Variants in PRELID2 observed in about 807,000 individuals in gnomAD.
PRELID2 encodes the protein PRELI domain containing 2, also known as PRELI domain-containing protein 2.
Under a neutral mutation model 28.4 loss-of-function variants are expected in PRELID2, and 25 were observed. The ratio of observed to expected loss-of-function variants is 0.88; its 90% CI spans 0.64 to 1.23. The LOEUF is 1.23. Among genes scored for constraint, PRELID2 ranks in the 50% most tolerant of loss-of-function variants. The pLI, the probability that PRELID2 is intolerant of heterozygous loss-of-function variation, is 0.00. For missense variants in PRELID2, 201 were observed against 214.4 expected (o/e 0.94, Z 0.39); for synonymous variants, 76 against 71.6 (o/e 1.06, Z -0.31).
At chr5:145,467,930 AT>A (rs965802982), downstream of PRELID2, among the ~76,000 whole-genome samples, 2 of 150,934 alleles carry the variant, frequency 1.3e-5, no homozygotes, top group African/African-American at 4.9e-5. Flanking sequence ...ATATTTTTTT[AT>A]TATACTTTAA....
At chr5:145,806,153 T>G (rs1173299491) in intron 4 of PRELID2, among the ~76,000 whole-genome samples, 1 of 152,172 alleles carries the variant, frequency 6.6e-6, no homozygotes, top group Non-Finnish European at 1.5e-5. Flanking sequence ...AAATTAAACT[T>G]AGATTATTGT....
At chr5:145,438,165 A>C in the PRELID2 span, among the ~76,000 whole-genome samples, 1 of 152,280 alleles carries the variant, frequency 6.6e-6, no homozygotes, top group Admixed American at 6.5e-5. Flanking sequence ...AGTTCATTTA[A>C]ATACAATGAT....
At chr5:145,705,779 ATATTT>A (rs765949181) in intron 1 of PRELID2, among the ~76,000 whole-genome samples, 8 of 152,272 alleles carry the variant, frequency 5.3e-5, no homozygotes, top group Non-Finnish European at 1.0e-4. Flanking sequence ...TGTTCCAATA[ATATTT>A]TATTTATGAA....
intron 1 of PRELID2, among the ~76,000 whole-genome samples, chr5:145,495,183 A>G (rs978503533): frequency 6.6e-6 from 1 of 152,140 alleles, no homozygotes; most frequent in Non-Finnish European, 1.5e-5. Flanking sequence ...CTTCTCAACT[A>G]ACCTGGCCTC....
rs530033902 is a variant in PRELID2 at position 145,650,079 on chromosome 5, T to C, written n.70+114852A>G. On this transcript the variant is annotated intron_variant and non_coding_transcript_variant, in intron 1 of 2. Coordinates refer to the PRELID2 transcript ENST00000510259. Reference sequence around the variant, plus strand: ...AATCACACAGTGAGATCATTCAAAGTTGGACTTGAATTTCTCCAAGAACTA... The same window carrying C: ...AATCACACAGTGAGATCATTCAAAGCTGGACTTGAATTTCTCCAAGAACTA... 4.6e-5 allele frequency among the ~76,000 whole-genome samples: 7 copies of C among 152,332 alleles called. No individual in the cohort carries two copies. The East Asian group carries it at 9.7e-4, about 21-fold the overall frequency.
At chr5:145,603,521 T>G (rs541548266) in intron 1 of PRELID2, among the ~76,000 whole-genome samples, 17 of 152,024 alleles carry the variant, frequency 1.1e-4, no homozygotes, top group Non-Finnish European at 2.2e-4. Context: ...AAAGAACTGA[T>G]AGTTCACCGC....
At chr5:145,431,024 T>TG in the PRELID2 span, among the ~76,000 whole-genome samples, 1 of 147,782 alleles carries the variant, frequency 6.8e-6, no homozygotes, top group African/African-American at 2.5e-5. Context: ...TTTTTTTTTT[T>TG]TTTTTTTTTT....
At chr5:145,408,004 A>G in the PRELID2 span, among the ~76,000 whole-genome samples, 1 of 152,104 alleles carries the variant, frequency 6.6e-6, no homozygotes, top group Admixed American at 6.6e-5. Context: ...GCACCAGCCC[A>G]GAGCCCAGTA....
At chr5:145,547,767 T>C (rs1416611292) in intron 1 of PRELID2, among the ~76,000 whole-genome samples, 3 of 152,202 alleles carry the variant, frequency 2.0e-5, no homozygotes, top group Non-Finnish European at 4.4e-5. Context: ...TCAATGTTGG[T>C]TTGGCTTTAT....
downstream of PRELID2, among the ~76,000 whole-genome samples, chr5:145,752,154 C>T (rs564553775): frequency 3.3e-5 from 5 of 152,264 alleles, no homozygotes; most frequent in East Asian, 5.8e-4. Context: ...GCTGACTCCT[C>T]GCTCTTCCCC....
At chr5:145,488,965 G>A (rs558450308) in intron 1 of PRELID2, among the ~76,000 whole-genome samples, 1 of 152,232 alleles carries the variant, frequency 6.6e-6, no homozygotes, top group African/African-American at 2.4e-5. Flanking sequence ...TGTTAAAAGA[G>A]GTAGCATGTG....
chr5:145,659,851 T>C (rs1025706505), intron 1 of PRELID2, among the ~76,000 whole-genome samples: 3 of 152,228 alleles, frequency 2.0e-5, no homozygotes, highest in Non-Finnish European at 4.4e-5. Context: ...TTACAATTTT[T>C]TTAAATTGTA....
the PRELID2 span, among the ~76,000 whole-genome samples, chr5:145,279,976 C>T: frequency 2.6e-5 from 4 of 152,072 alleles, no homozygotes; most frequent in East Asian, 1.9e-4. Flanking sequence ...ATCTCAATCA[C>T]TAAATGAATG....
chr5:145,618,032 C>G (rs752391065), intron 1 of PRELID2, among the ~76,000 whole-genome samples: 1 of 152,108 alleles, frequency 6.6e-6, no homozygotes, highest in Non-Finnish European at 1.5e-5. Context: ...CATGCCCGGC[C>G]GATTGTTTTT....
the PRELID2 span, among the ~76,000 whole-genome samples, chr5:145,390,465 G>A: frequency 2.0e-5 from 3 of 152,164 alleles, no homozygotes; most frequent in African/African-American, 7.2e-5. Flanking sequence ...GTGAAGCGGG[G>A]AAGCCCCTTA....
the PRELID2 span, among the ~76,000 whole-genome samples, chr5:145,341,882 A>C: frequency 1.3e-5 from 2 of 152,222 alleles, no homozygotes; most frequent in Non-Finnish European, 2.9e-5. Context: ...CAAGAGATTT[A>C]GACTTTCCCA....
At chr5:145,572,318 A>G (rs1374090366) in intron 1 of PRELID2, among the ~76,000 whole-genome samples, 2 of 152,194 alleles carry the variant, frequency 1.3e-5, no homozygotes, top group Non-Finnish European at 2.9e-5. Context: ...CCTTGGGTGT[A>G]TGTTCCCAGG....
At chr5:145,710,943 G>A (rs965441239) in intron 1 of PRELID2, among the ~76,000 whole-genome samples, 1 of 152,154 alleles carries the variant, frequency 6.6e-6, no homozygotes, top group Non-Finnish European at 1.5e-5. Flanking sequence ...AGCACACAGG[G>A]TTCTGTTTCT....
At chr5:145,288,597 T>C in the PRELID2 span, among the ~76,000 whole-genome samples, 1 of 152,128 alleles carries the variant, frequency 6.6e-6, no homozygotes, top group Non-Finnish European at 1.5e-5. Flanking sequence ...GTATGTTAGG[T>C]GTGCTGGTTG....
Sources: allele counts gnomAD v4.1 joint callset (sites outside exome capture counted in the v4.1 genomes callset), GRCh38; gene constraint gnomAD v4.1.1; transcripts MANE v1.5; gene names NCBI Gene and HGNC (gene_info 2026-07-23, HGNC 2026-07-21).